Variants in PMFBP1 observed in about 807,000 individuals in gnomAD.
PMFBP1 encodes the protein polyamine-modulated factor 1-binding protein 1.
Under a neutral mutation model 137.8 loss-of-function variants are expected in PMFBP1, and 131 were observed. The observed-to-expected ratio is 0.95, with a 90% CI of 0.82 to 1.10. PMFBP1 has a LOEUF of 1.10. Among genes scored for constraint, PMFBP1 ranks in the 50% least tolerant of loss-of-function variants. PMFBP1 has a pLI of 0.00. For synonymous variants in PMFBP1, 490 were observed against 450.4 expected, an observed-to-expected ratio of 1.09 and a Z score of -1.11; for missense variants, 1,199 against 1,175.4, an observed-to-expected ratio of 1.02 and a Z score of -0.29.
chr16:72,143,375 C>T (rs1401923279), intron 5 of PMFBP1, among the ~76,000 whole-genome samples: 1 of 152,198 alleles, frequency 6.6e-6, no homozygotes, highest in Admixed American at 6.5e-5. Flanking sequence ...AAATCCAAGA[C>T]AGTCAAGTGA....
At chr16:72,121,100 T>C (rs1332520468) in intron 19 of PMFBP1, among the ~76,000 whole-genome samples, 1 of 152,226 alleles carries the variant, frequency 6.6e-6, no homozygotes, top group East Asian at 1.9e-4. Context: ...TGAAGTTATC[T>C]GTTACCTTGA....
rs778421999 is a variant in PMFBP1 at position 72,164,784 on chromosome 16, C to T, written c.145G>A (p.Glu49Lys). ...CTTACGTGGCTGCTGTTCATTGCCT[C>T]CTCCATGCAGAGCTGATTGTCCTGC... ...TLQDNQLCME[E>K]AMNSSHDKKQ... The change falls in exon 3 of 21, where the codon GAG (glutamate) becomes AAG (lysine). Residue 49 changes from glutamate (E) to lysine (K), a missense_variant. Coordinates refer to ENST00000237353, the MANE Select transcript of PMFBP1 (RefSeq NM_031293.3). The T allele has an allele frequency of 4.4e-6, 7 of 1,596,140 alleles. No individual in the cohort carries two copies. Among genetic ancestry groups the T allele is most frequent in the Non-Finnish European group, 5.1e-6 (6 of 1,165,796 alleles).
intron 1 of PMFBP1, chr16:72,171,827 A>G (rs1019363373): frequency 6.6e-6 from 1 of 152,214 alleles, no homozygotes; most frequent in Non-Finnish European, 1.5e-5. Flanking sequence ...GTGTTTTTGA[A>G]GCATCAGCTT....
At chr16:72,205,866 G>A in the PMFBP1 span, among the ~76,000 whole-genome samples, 1 of 152,112 alleles carries the variant, frequency 6.6e-6, no homozygotes, top group East Asian at 1.9e-4. Flanking sequence ...CGTTCTAGAA[G>A]CATCTAGATG....
At chr16:72,121,558 TGGG>T (rs954122988) in intron 19 of PMFBP1, among the ~76,000 whole-genome samples, 4 of 152,216 alleles carry the variant, frequency 2.6e-5, no homozygotes, top group African/African-American at 9.6e-5. Flanking sequence ...TGCCTGCCCT[TGGG>T]GGCAGGCTCT....
the PMFBP1 span, among the ~76,000 whole-genome samples, chr16:72,223,890 T>C: frequency 2.3e-3 from 355 of 152,326 alleles, 3 homozygotes; most frequent in African/African-American, 7.9e-3. Context: ...TAAAGGTTCC[T>C]ATCTATACCT....
chr16:72,138,856 T>C (rs2042672094), intron 7 of PMFBP1, among the ~76,000 whole-genome samples: 1 of 152,008 alleles, frequency 6.6e-6, no homozygotes, highest in Admixed American at 6.6e-5. Flanking sequence ...TAACTGCTCA[T>C]TTATTATTAG....
chr16:72,176,247 C>T (rs1277835725), upstream of PMFBP1, among the ~76,000 whole-genome samples: 1 of 152,080 alleles, frequency 6.6e-6, no homozygotes, highest in Non-Finnish European at 1.5e-5. Context: ...AAATTAGGGG[C>T]CAGGAGGAGC....
intron 18 of PMFBP1, 28 bp from the exon 19 acceptor site, chr16:72,123,016 C>T: frequency 6.3e-7 from 1 of 1,599,544 alleles, no homozygotes; most frequent in Non-Finnish European, 8.5e-7. Context: ...GAGAAAACAG[C>T]AGCCAGTCGC....
chr16:72,233,976 A>G, the PMFBP1 span, among the ~76,000 whole-genome samples: 5 of 152,274 alleles, frequency 3.3e-5, no homozygotes, highest in African/African-American at 1.2e-4. Context: ...TTGTCTGTTC[A>G]TCAGTTGATT....
intron 13 of PMFBP1, 90 bp from the exon 14 acceptor site, chr16:72,128,884 C>T: frequency 6.4e-7 from 1 of 1,564,324 alleles, no homozygotes; most frequent in Non-Finnish European, 8.7e-7. Flanking sequence ...TCTCACCCAG[C>T]TCTATCTCCA....
At chr16:72,183,857 TC>T in the PMFBP1 span, among the ~76,000 whole-genome samples, 3 of 152,090 alleles carry the variant, frequency 2.0e-5, no homozygotes, top group Non-Finnish European at 1.5e-5. Context: ...TCTTGATATT[TC>T]CTCTATCCCC....
intron 3 of PMFBP1, among the ~76,000 whole-genome samples, chr16:72,156,916 G>A (rs1017189493): frequency 7.9e-5 from 12 of 151,828 alleles, no homozygotes; most frequent in African/African-American, 1.2e-4. Context: ...GGCTGGGTGC[G>A]GTGGCTCACA....
the PMFBP1 span, among the ~76,000 whole-genome samples, chr16:72,237,640 T>G: frequency 6.6e-6 from 1 of 152,186 alleles, no homozygotes; most frequent in Non-Finnish European, 1.5e-5. Context: ...ATATGTCTTT[T>G]TTTTAAAAAA....
the PMFBP1 span, among the ~76,000 whole-genome samples, chr16:72,235,750 T>C: frequency 6.6e-6 from 1 of 152,176 alleles, no homozygotes; most frequent in Non-Finnish European, 1.5e-5. Flanking sequence ...AAAAATACTA[T>C]TATAAATGGA....
At chr16:72,240,691 C>T in the PMFBP1 span, among the ~76,000 whole-genome samples, 3 of 152,326 alleles carry the variant, frequency 2.0e-5, no homozygotes, top group Non-Finnish European at 2.9e-5. Context: ...AGAAAGCATG[C>T]CAGCCTGGCA....
rs762297294 is a variant in PMFBP1 at position 72,130,543 on chromosome 16, T to C, written c.1627A>G (p.Thr543Ala). The change falls in exon 11 of 21, where the codon ACC becomes GCC. Residue 543 changes from threonine to alanine, a missense_variant. Thr to Ala is a moderately conservative substitution (Grantham distance 58, BLOSUM62 0). Coordinates refer to ENST00000237353, the MANE Select transcript of PMFBP1 (RefSeq NM_031293.3). ...CCTGAGCCTGGGCACCTGTTGGAGGTTTGTTCCTTCTCAGCCATCGAGGAC... is the reference window on the plus strand; with the variant it reads ...CCTGAGCCTGGGCACCTGTTGGAGGCTTGTTCCTTCTCAGCCATCGAGGAC... ...KESSMAEKEQ[T>A]SNRKRVEELS... 1.9e-6 allele frequency: 3 copies of C among 1,613,744 alleles called. No homozygotes were observed. The African/African-American group carries it at 4.0e-5, about 22-fold the overall frequency.
At chr16:72,165,472 C>T (rs111786995) in intron 2 of PMFBP1, among the ~76,000 whole-genome samples, 6,029 of 150,460 alleles carry the variant, frequency 0.04, 370 homozygotes, top group African/African-American at 0.14. Flanking sequence ...TGAAGTGCAG[C>T]GGCACGATCT....
At chr16:72,173,401 T>A (rs2144539487), upstream of PMFBP1, among the ~76,000 whole-genome samples, 1 of 152,290 alleles carries the variant, frequency 6.6e-6, no homozygotes, top group Middle Eastern at 3.4e-3. Flanking sequence ...GACAGAGAAA[T>A]GATTTTCTAG....
Sources: allele counts gnomAD v4.1 joint callset (sites outside exome capture counted in the v4.1 genomes callset), GRCh38; gene constraint gnomAD v4.1.1; transcripts MANE v1.5; gene names NCBI Gene and HGNC (gene_info 2026-07-23, HGNC 2026-07-21).